Variants in ZNF251 observed in about 807,000 individuals in gnomAD.
ZNF251 encodes the protein zinc finger protein 251.
A neutral mutation model predicts 13.5 loss-of-function variants in ZNF251; 14 were observed. That is an observed-to-expected ratio of 1.04 (90% CI 0.69 to 1.63). The LOEUF (loss-of-function observed/expected upper bound fraction) is 1.63, where lower values mean the gene tolerates loss of function less well. Among genes scored for constraint, ZNF251 ranks in the 40% most tolerant of loss-of-function variants. The pLI, the probability that ZNF251 is intolerant of heterozygous loss-of-function variation, is 0.00. For synonymous variants in ZNF251, 287 were observed against 295.2 expected (o/e 0.97, Z 0.28); for missense variants, 764 against 834.9 (o/e 0.92, Z 1.05).
intron 4 of ZNF251, among the ~76,000 whole-genome samples, chr8:144,744,565 C>T (rs966237777): frequency 2.0e-5 from 3 of 152,096 alleles, no homozygotes; most frequent in Admixed American, 6.5e-5. Flanking sequence ...AGAGGTCATT[C>T]GAGTTAGATG....
chr8:144,754,095 G>A (rs973054767), intron 3 of ZNF251, 97 bp downstream of exon 3: 5 of 1,488,126 alleles, frequency 3.4e-6, no homozygotes, highest in Non-Finnish European at 4.5e-6. Flanking sequence ...GGGACAAGGG[G>A]CAGGACCCTC....
rs1435533128 is a variant in ZNF251 at position 144,754,809 on chromosome 8, G to T, written c.-75-6C>A. ...TGAAGTCTCCCCGAACTTACCTTCA[G>T]TGGGGAGAACTCAGGCTCAGCCCCA... On this transcript the variant is annotated splice_region_variant and splice_polypyrimidine_tract_variant and intron_variant, in intron 1 of 4. Coordinates refer to ENST00000292562, the MANE Select transcript of ZNF251 (RefSeq NM_138367.2). The T allele has an allele frequency of 6.4e-7, 1 of 1,562,054 alleles. No individual in the cohort carries two copies. The highest frequency in any genetic ancestry group is 1.4e-5 in the African/African-American group (1 of 73,610).
intron 4 of ZNF251, among the ~76,000 whole-genome samples, chr8:144,751,435 G>A (rs1013576694): frequency 6.6e-5 from 10 of 152,250 alleles, no homozygotes; most frequent in Middle Eastern, 3.4e-3. Flanking sequence ...ATAACAAAAA[G>A]GATGGGAGGG....
At chr8:144,733,857 TG>T (rs939184636) in intron 4 of ZNF251, among the ~76,000 whole-genome samples, 2 of 152,218 alleles carry the variant, frequency 1.3e-5, no homozygotes, top group Non-Finnish European at 2.9e-5. Context: ...GAAAAAACCC[TG>T]GAACAGCTAA....
At chr8:144,725,383 T>A (rs1823490776) in intron 4 of ZNF251, among the ~76,000 whole-genome samples, 1 of 152,024 alleles carries the variant, frequency 6.6e-6, no homozygotes, top group Admixed American at 6.6e-5. Flanking sequence ...CTTGAACTCT[T>A]GGGATCAAGT....
chr8:144,731,635 G>A (rs1406822323), intron 4 of ZNF251, among the ~76,000 whole-genome samples: 2 of 152,228 alleles, frequency 1.3e-5, no homozygotes, highest in Non-Finnish European at 2.9e-5. Flanking sequence ...TGCCCAGGCT[G>A]GAGTGCAGTG....
chr8:144,755,027 G>T lies in ZNF251; in HGVS notation c.-75-224C>A, dbSNP rs190318696. ...GACGCCCGGCTAAGGGGTGAAAGCT[G>T]GCAGTTCCCGTGGTCCAGACCTGCT... On this transcript the variant is annotated intron_variant, in intron 1 of 4. Transcript: ENST00000292562. The T allele has an allele frequency of 4.9e-4, 674 of 1,372,756 alleles. 6 individuals carry two copies. The African/African-American group carries it at 8.8e-3, about 18-fold the overall frequency. The allele number at this position is 1,372,756 out of a possible 1,614,324, so 85.0% of individuals were successfully genotyped here. A position where few individuals can be genotyped will look rare whatever the true frequency, so the allele number is the denominator to read the frequency against.
At chr8:144,738,953 G>A (rs774124735) in intron 4 of ZNF251, among the ~76,000 whole-genome samples, 10 of 151,974 alleles carry the variant, frequency 6.6e-5, no homozygotes, top group South Asian at 2.1e-4. Flanking sequence ...TTGAAACAGC[G>A]CCAGAGATGC....
chr8:144,749,193 AAG>A (rs1290797168), intron 4 of ZNF251, among the ~76,000 whole-genome samples: 1 of 152,152 alleles, frequency 6.6e-6, no homozygotes, highest in African/African-American at 2.4e-5. Context: ...ACTTTTTAAA[AAG>A]GGGATTATTG....
In ZNF251 at chr8:144,721,662, G is replaced by A; in HGVS notation, c.1998C>T (p.Phe666=). ...KRYFIHIKKI[F]QERHF ...TATCACATTAAAAATGTCTTTCTTGGAAAATCTTCTTGATATGAATAAAGT... is the reference window on the plus strand; with the variant it reads ...TATCACATTAAAAATGTCTTTCTTGAAAAATCTTCTTGATATGAATAAAGT... Residue 666 remains phenylalanine (F), a synonymous_variant, in exon 5 of 5, where the codon TTC becomes TTT. Coordinates refer to ENST00000292562, the MANE Select transcript of ZNF251 (RefSeq NM_138367.2). The A allele has an allele frequency of 1.5e-6, 2 of 1,340,922 alleles. No homozygotes were observed. Among genetic ancestry groups the A allele is most frequent in the Non-Finnish European group, 1.9e-6 (2 of 1,036,178 alleles). The allele number at this position is 1,340,922 out of a possible 1,614,324, so 83.1% of individuals were successfully genotyped here.
At chr8:144,748,958 A>G (rs1455621211) in intron 4 of ZNF251, among the ~76,000 whole-genome samples, 1 of 152,138 alleles carries the variant, frequency 6.6e-6, no homozygotes, top group African/African-American at 2.4e-5. Flanking sequence ...TTGAGGCTCA[A>G]GAGTTTGAGA....
At chr8:144,732,811 CA>C (rs34248117) in intron 4 of ZNF251, among the ~76,000 whole-genome samples, 49,923 of 106,486 alleles carry the variant, frequency 0.47, 8,884 homozygotes, top group Middle Eastern at 0.62. Context: ...GACTCCGTCT[CA>C]AAAAAAAAAA....
chr8:144,729,388 GT>G (rs1823623175), intron 4 of ZNF251, among the ~76,000 whole-genome samples: 1 of 148,610 alleles, frequency 6.7e-6, no homozygotes, highest in Non-Finnish European at 1.5e-5. Context: ...CCAGGCTGGA[GT>G]GCAGTGGCGC....
rs1824841411 is a variant in ZNF251, at chr8:144,754,218, T to C, written c.137A>G (p.Glu46Gly). 2 of 1,613,872 alleles carry C rather than the reference T, an allele frequency of 1.2e-6. No individual in the cohort carries two copies. Among genetic ancestry groups the C allele is most frequent in the Non-Finnish European group, 1.7e-6 (2 of 1,179,938 alleles). ...QRALYRDVMLENYGNVASLGF... is the reference protein window; with the variant it reads ...QRALYRDVMLGNYGNVASLGF... ...CAGAGAGGCCACGTTCCCATAGTTC[T>C]CCAGCATCACATCCCGGTAGAGCGC... Residue 46 changes from glutamate (E) to glycine (G), a missense_variant, in exon 3 of 5, where the codon GAG becomes GGG. By Grantham distance (98) the Glu-to-Gly change is moderately conservative. Transcript: ENST00000292562.
intron 4 of ZNF251, among the ~76,000 whole-genome samples, chr8:144,742,704 C>T (rs1016374865): frequency 6.6e-6 from 1 of 152,170 alleles, no homozygotes; most frequent in Non-Finnish European, 1.5e-5. Flanking sequence ...CACTGCTGAT[C>T]TTTTTGCTGT....
intron 4 of ZNF251, among the ~76,000 whole-genome samples, chr8:144,732,711 C>T: frequency 6.6e-6 from 1 of 151,360 alleles, no homozygotes; most frequent in East Asian, 1.9e-4. Flanking sequence ...ACTTGGGAGG[C>T]TGAGGCAGGA....
chr8:144,737,204 C>A (rs1246536727), intron 4 of ZNF251, among the ~76,000 whole-genome samples: 2 of 151,918 alleles, frequency 1.3e-5, no homozygotes, highest in Non-Finnish European at 2.9e-5. Context: ...CTCAAGCAAT[C>A]CTCCCACCTC....
chr8:144,724,613 G>A (rs1038023475), intron 4 of ZNF251, among the ~76,000 whole-genome samples: 6 of 152,306 alleles, frequency 3.9e-5, no homozygotes, highest in Non-Finnish European at 5.9e-5. Flanking sequence ...CCATATGTAC[G>A]TTGAAATGAC....
chr8:144,743,487 A>G (rs929087358), intron 4 of ZNF251, among the ~76,000 whole-genome samples: 7 of 152,228 alleles, frequency 4.6e-5, no homozygotes, highest in Non-Finnish European at 4.4e-5. Context: ...GAAATTATGA[A>G]TAAGGTTTGG....
Sources: gnomAD v4.1 joint callset for allele counts (sites outside exome capture counted in the v4.1 genomes callset) on GRCh38, gnomAD v4.1.1 for gene constraint, MANE v1.5 for transcripts, NCBI Gene and HGNC (gene_info 2026-07-23, HGNC 2026-07-21) for gene names.